The following TENM2 variants were observed in gnomAD, a reference collection of about 807,000 sequenced individuals.
TENM2 encodes the protein teneurin-2.
TENM2 carries 52 observed loss-of-function variants against 245.2 expected under a neutral mutation model. The observed-to-expected ratio is 0.21, with a 90% confidence interval of 0.17 to 0.27. The LOEUF (loss-of-function observed/expected upper bound fraction) is 0.27. Among genes scored for constraint, TENM2 ranks in the 10% least tolerant of loss-of-function variants. TENM2 has a pLI of 1.00. For missense variants in TENM2, 3,046 were observed against 3,666.8 expected, an observed-to-expected ratio of 0.83 and a Z score of 4.37; for synonymous variants, 1,363 against 1,438.9, an observed-to-expected ratio of 0.95 and a Z score of 1.19.
chr5:168,257,679 G>A (rs1767797911), intron 27 of TENM2, among the ~76,000 whole-genome samples: 2 of 147,354 alleles, frequency 1.4e-5, no homozygotes, highest in South Asian at 4.3e-4. Flanking sequence ...GCAGTAGCAC[G>A]ATCTCTGCTC....
intron 9 of TENM2, among the ~76,000 whole-genome samples, chr5:168,104,132 C>T (rs761829046): frequency 2.0e-5 from 3 of 152,100 alleles, no homozygotes; most frequent in African/African-American, 7.2e-5. Context: ...AGGTTCTAAG[C>T]GATTCTACTG....
At chr5:167,389,973 C>G (rs966363994) in intron 2 of TENM2, among the ~76,000 whole-genome samples, 1 of 152,170 alleles carries the variant, frequency 6.6e-6, no homozygotes, top group South Asian at 2.1e-4. Flanking sequence ...ATGCATCTCA[C>G]TTTTTAGTTT....
intron 2 of TENM2, among the ~76,000 whole-genome samples, chr5:167,859,185 G>A (rs1204318940): frequency 3.5e-4 from 25 of 70,730 alleles, no homozygotes; most frequent in East Asian, 1.9e-3. Flanking sequence ...GGTGAGGAGC[G>A]TCTCTGCCCG....
At chr5:167,927,112 A>T (rs1777827798) in intron 3 of TENM2, among the ~76,000 whole-genome samples, 1 of 152,092 alleles carries the variant, frequency 6.6e-6, no homozygotes, top group Non-Finnish European at 1.5e-5. Flanking sequence ...GTGTGCACAT[A>T]CAAGTCTTAT....
At chr5:168,253,877 A>T (rs1440626289) in intron 27 of TENM2, among the ~76,000 whole-genome samples, 6 of 152,176 alleles carry the variant, frequency 3.9e-5, no homozygotes, top group African/African-American at 1.4e-4. Flanking sequence ...TCTGAATGGC[A>T]TTGCTTTAGC....
At chr5:167,014,398 T>G in the TENM2 span, among the ~76,000 whole-genome samples, 1 of 151,920 alleles carries the variant, frequency 6.6e-6, no homozygotes, top group Non-Finnish European at 1.5e-5. Context: ...TCAAGTCTCT[T>G]GCTTTTCTTC....
chr5:167,762,322 C>G (rs1762733770), intron 2 of TENM2, among the ~76,000 whole-genome samples: 1 of 151,974 alleles, frequency 6.6e-6, no homozygotes, highest in Non-Finnish European at 1.5e-5. Flanking sequence ...TTATTTATGT[C>G]TAATCTTCTG....
At position 167,778,263 on chromosome 5, in the gene TENM2, CA is replaced by C. The variant is rs557944035; in HGVS notation, c.503-97721del. Among the ~76,000 whole-genome samples the C allele has an allele frequency of 8.5e-5, 13 of 152,272 alleles. No individual in the cohort carries two copies. The East Asian group carries it at 1.2e-3, about 14-fold the overall frequency. ...GATGCATGGATTCTGCTGAAACCAACAAGAGCCATTTATGTGGAGGAGAAGT... is the reference window on the plus strand; with the variant it reads ...GATGCATGGATTCTGCTGAAACCAACAGAGCCATTTATGTGGAGGAGAAGT... On this transcript the variant is annotated intron_variant, in intron 2 of 28. Coordinates refer to ENST00000518659, the Ensembl canonical transcript of TENM2.
chr5:168,118,221 C>T (rs889571306), intron 9 of TENM2, 71 bp from the exon 12 acceptor site: 2 of 1,295,244 alleles, frequency 1.5e-6, no homozygotes, highest in Non-Finnish European at 2.1e-6. Flanking sequence ...ACAGCTCTAC[C>T]TCCTTAGACT....
intron 27 of TENM2, among the ~76,000 whole-genome samples, chr5:168,252,425 T>C (rs562770525): frequency 6.0e-4 from 91 of 151,874 alleles, no homozygotes; most frequent in Non-Finnish European, 1.0e-3. Context: ...GGCCTAGACT[T>C]TTCCAATTTT....
chr5:167,389,149 C>T lies in TENM2; in HGVS notation c.502+13676C>T, dbSNP rs1004494696. On this transcript the variant is annotated intron_variant, in intron 2 of 28. Transcript: ENST00000518659. Reference sequence around the variant, plus strand: ...CTTTATGCTGCCCAAAGTAAGATATCTATATGTTTTATATGCATTATTTAT... The same window carrying T: ...CTTTATGCTGCCCAAAGTAAGATATTTATATGTTTTATATGCATTATTTAT... Among the ~76,000 whole-genome samples the T allele has an allele frequency of 2.6e-5, 4 of 151,340 alleles. No homozygotes were observed. In the East Asian group the frequency reaches 7.8e-4, roughly 29 times the overall value.
intron 2 of TENM2, among the ~76,000 whole-genome samples, chr5:167,663,191 AG>A (rs1398876453): frequency 6.7e-6 from 1 of 148,386 alleles, no homozygotes; most frequent in African/African-American, 2.5e-5. Context: ...AGAGAGAAAG[AG>A]AGAGAATGAA....
chr5:167,395,183 T>C (rs777693165), intron 2 of TENM2, among the ~76,000 whole-genome samples: 7 of 152,166 alleles, frequency 4.6e-5, no homozygotes, highest in Non-Finnish European at 1.0e-4. Flanking sequence ...AAAAGTTTTA[T>C]AGTTTTCACT....
intron 2 of TENM2, among the ~76,000 whole-genome samples, chr5:167,738,790 C>A (rs1033532017): frequency 6.6e-6 from 1 of 152,144 alleles, no homozygotes; most frequent in Admixed American, 6.5e-5. Flanking sequence ...GCACCCTCAT[C>A]CCTGGTGTTT....
rs560643427 is a variant in TENM2, at chr5:168,217,591, G to A, written c.4234-534G>A. On this transcript the variant is annotated intron_variant, in intron 22 of 28. Transcript: ENST00000518659. ...AATTCCATAGAGGAAGGATGCGTTC[G>A]GTTCCGTTTATTTTTTAAAGCAGAC... 6.3e-4 allele frequency among the ~76,000 whole-genome samples: 96 copies of A among 152,332 alleles called. No homozygotes were observed. In the South Asian group the frequency reaches 8.5e-3, roughly 13 times the overall value.
At chr5:167,185,904 C>T in the TENM2 span, among the ~76,000 whole-genome samples, 2 of 152,044 alleles carry the variant, frequency 1.3e-5, no homozygotes, top group Non-Finnish European at 2.9e-5. Flanking sequence ...TTTGTACACA[C>T]GAAATTACTA....
chr5:167,988,739 A>G (rs188108881), intron 4 of TENM2, among the ~76,000 whole-genome samples: 2 of 152,310 alleles, frequency 1.3e-5, no homozygotes, highest in African/African-American at 4.8e-5. Flanking sequence ...TGAGAAAGAC[A>G]CCTGATTTTA....
At chr5:167,589,605 T>C (rs905401461) in intron 2 of TENM2, among the ~76,000 whole-genome samples, 3 of 152,070 alleles carry the variant, frequency 2.0e-5, no homozygotes, top group Admixed American at 1.3e-4. Flanking sequence ...TTCAGAAAAT[T>C]TGGAAAATTT....
the TENM2 span, among the ~76,000 whole-genome samples, chr5:167,161,934 T>A: frequency 6.6e-6 from 1 of 152,078 alleles, no homozygotes; most frequent in East Asian, 1.9e-4. Flanking sequence ...TTTGGGAGGC[T>A]GAGGCGGGCA....
Sources: gnomAD v4.1 joint callset for allele counts (sites outside exome capture counted in the v4.1 genomes callset) on GRCh38, gnomAD v4.1.1 for gene constraint, MANE v1.5 for transcripts, NCBI Gene and HGNC (gene_info 2026-07-23, HGNC 2026-07-21) for gene names.